The following WDFY2 variants were observed in gnomAD, a reference collection of about 807,000 sequenced individuals.
WDFY2 encodes the protein WD repeat and FYVE domain-containing protein 2.
Under a neutral mutation model 56.4 loss-of-function variants are expected in WDFY2, and 36 were observed. The ratio of observed to expected loss-of-function variants is 0.64; its 90% confidence interval spans 0.49 to 0.84. The LOEUF (loss-of-function observed/expected upper bound fraction) is 0.84, where lower values mean the gene tolerates loss of function less well. Ranked by LOEUF, WDFY2 falls within the 40% of genes least tolerant of loss-of-function variation. The pLI is 0.00. For missense variants in WDFY2, 444 were observed against 512.2 expected, an observed-to-expected ratio of 0.87 and a Z score of 1.29; for synonymous variants, 176 against 183.7, an observed-to-expected ratio of 0.96 and a Z score of 0.34.
At chr13:51,667,831 T>A (rs1955735027) in intron 2 of WDFY2, among the ~76,000 whole-genome samples, 1 of 151,268 alleles carries the variant, frequency 6.6e-6, no homozygotes, top group Non-Finnish European at 1.5e-5. Flanking sequence ...TGTAATGTGA[T>A]CTTTTAATTC....
chr13:51,664,389 G>A (rs968504937), intron 2 of WDFY2, among the ~76,000 whole-genome samples: 1 of 152,296 alleles, frequency 6.6e-6, no homozygotes, highest in Middle Eastern at 3.4e-3. Flanking sequence ...CCTGGGCAGG[G>A]CCATTTTACT....
At chr13:51,708,326 TAAA>T (rs60374574) in intron 4 of WDFY2, among the ~76,000 whole-genome samples, 19 of 140,832 alleles carry the variant, frequency 1.3e-4, no homozygotes, top group East Asian at 2.1e-4. Context: ...ACCCCATCTC[TAAA>T]AAAAAAAAAA....
At chr13:51,704,422 T>C (rs761320489) in intron 4 of WDFY2, among the ~76,000 whole-genome samples, 2 of 152,242 alleles carry the variant, frequency 1.3e-5, no homozygotes, top group Non-Finnish European at 2.9e-5. Context: ...ACATGTATAG[T>C]GTCTGTGCAT....
chr13:51,592,795 A>C (rs1954075950), intron 1 of WDFY2, among the ~76,000 whole-genome samples: 1 of 152,106 alleles, frequency 6.6e-6, no homozygotes, highest in Admixed American at 6.5e-5. Context: ...AATCATCATA[A>C]TAATCGCTCT....
chr13:51,639,531 T>C (rs1955117013), intron 1 of WDFY2, among the ~76,000 whole-genome samples: 1 of 152,244 alleles, frequency 6.6e-6, no homozygotes. Context: ...TTTTTTGTTT[T>C]ATACCTCCTT....
chr13:51,615,813 A>G (rs549256833), intron 1 of WDFY2, among the ~76,000 whole-genome samples: 2 of 152,202 alleles, frequency 1.3e-5, no homozygotes, highest in South Asian at 4.1e-4. Context: ...TCAAGGTAAG[A>G]GATTTGGTTA....
intron 1 of WDFY2, among the ~76,000 whole-genome samples, chr13:51,637,775 C>A (rs1353647122): frequency 6.6e-6 from 1 of 152,158 alleles, no homozygotes; most frequent in African/African-American, 2.4e-5. Flanking sequence ...GGGAGATGTG[C>A]TCTGCTACAA....
intron 1 of WDFY2, among the ~76,000 whole-genome samples, chr13:51,634,721 T>G (rs1955013451): frequency 6.8e-6 from 1 of 148,136 alleles, no homozygotes; most frequent in Non-Finnish European, 1.5e-5. Flanking sequence ...TTTTGTTTTG[T>G]TTTTTTTTTC....
chr13:51,715,247 T>A (rs1012118949), intron 4 of WDFY2, among the ~76,000 whole-genome samples: 4 of 152,234 alleles, frequency 2.6e-5, no homozygotes, highest in African/African-American at 9.6e-5. Context: ...ATAAACTTTT[T>A]AATTTTTTCA....
chr13:51,584,478 G>C lies in WDFY2; in HGVS notation c.-210G>C. 1.6e-6 allele frequency: 1 copy of C among 609,400 alleles called. No individual in the cohort carries two copies. The highest frequency in any genetic ancestry group is 2.7e-6 in the Non-Finnish European group (1 of 373,846). The allele number at this position is 609,400 out of a possible 1,614,324, so 37.7% of individuals were successfully genotyped here. On this transcript the variant is annotated 5_prime_UTR_variant, in exon 1 of 12. Coordinates refer to ENST00000298125, the MANE Select transcript of WDFY2 (RefSeq NM_052950.4). ...CCTCCTCTTGTAGTGGCGCCGGCTT[G>C]CATCCCAGGTCGTGGCGGTTTTGGT...
intron 3 of WDFY2, among the ~76,000 whole-genome samples, chr13:51,692,670 C>T (rs1951768520): frequency 6.6e-6 from 1 of 152,154 alleles, no homozygotes; most frequent in Admixed American, 6.5e-5. Context: ...TTGGTTGTAT[C>T]TCTGCCTGGC....
At chr13:51,667,879 CTTTTTTTTTTTTTTTTT>C (rs66771214) in intron 2 of WDFY2, among the ~76,000 whole-genome samples, 3 of 50,046 alleles carry the variant, frequency 6.0e-5, no homozygotes, top group African/African-American at 2.0e-4. Flanking sequence ...TGAGGAACTT[CTTTTTTTTTTTTTTTTT>C]TTTTTTTTTT....
intron 1 of WDFY2, among the ~76,000 whole-genome samples, chr13:51,621,237 G>A (rs1954719851): frequency 6.6e-6 from 1 of 152,188 alleles, no homozygotes; most frequent in South Asian, 2.1e-4. Context: ...GGGCGCGGTG[G>A]CTCACGCCTG....
chr13:51,597,550 ATC>A (rs1954174556), intron 1 of WDFY2, among the ~76,000 whole-genome samples: 1 of 152,216 alleles, frequency 6.6e-6, no homozygotes, highest in Non-Finnish European at 1.5e-5. Flanking sequence ...TAAAAAGTTT[ATC>A]TGTCTGTTGC....
intron 3 of WDFY2, among the ~76,000 whole-genome samples, chr13:51,684,404 T>A (rs1466548922): frequency 6.6e-6 from 1 of 151,772 alleles, no homozygotes; most frequent in African/African-American, 2.4e-5. Context: ...AAACCCTGAG[T>A]TACCTCCAGA....
chr13:51,725,482 G>A (rs1952583330), intron 5 of WDFY2, among the ~76,000 whole-genome samples: 1 of 152,114 alleles, frequency 6.6e-6, no homozygotes, highest in South Asian at 2.1e-4. Context: ...GAGCCTAGGA[G>A]TTTGAGACCA....
intron 4 of WDFY2, among the ~76,000 whole-genome samples, chr13:51,704,698 TTTTTA>T (rs1336288287): frequency 6.6e-6 from 1 of 152,252 alleles, no homozygotes; most frequent in African/African-American, 2.4e-5. Context: ...ACATCTGTAA[TTTTTA>T]TTTTAAGTTA....
At chr13:51,587,380 T>G (rs1407898874) in intron 1 of WDFY2, 1 of 152,228 alleles carries the variant, frequency 6.6e-6, no homozygotes, top group African/African-American at 2.4e-5. Flanking sequence ...CAATACGTCC[T>G]CAATACACGT....
At chr13:51,630,707 G>C (rs551546603) in intron 1 of WDFY2, among the ~76,000 whole-genome samples, 3 of 143,804 alleles carry the variant, frequency 2.1e-5, no homozygotes, top group African/African-American at 5.1e-5. Context: ...TTTGTGTTAT[G>C]TTTTCAAGTT....
Sources: gnomAD v4.1 joint callset for allele counts (sites outside exome capture counted in the v4.1 genomes callset) on GRCh38, gnomAD v4.1.1 for gene constraint, MANE v1.5 for transcripts, NCBI Gene and HGNC (gene_info 2026-07-23, HGNC 2026-07-21) for gene names.